The following WDPCP variants were observed in gnomAD, a reference collection of about 807,000 sequenced individuals.
WDPCP encodes the protein WD repeat containing planar cell polarity effector, also known as WD repeat-containing and planar cell polarity effector protein fritz homolog.
Under a neutral mutation model 93.1 loss-of-function variants are expected in WDPCP, and 71 were observed. That is an observed-to-expected ratio of 0.76 (90% confidence interval 0.63 to 0.93). The LOEUF is 0.93. Ranked by LOEUF, WDPCP falls within the 40% of genes least tolerant of loss-of-function variation. WDPCP has a pLI of 0.00. For missense variants in WDPCP, 844 were observed against 887.4 expected (o/e 0.95, Z 0.62); for synonymous variants, 315 against 315.0 (o/e 1.00, Z 0.00).
chr2:63,680,699 C>A (rs1314204766), intron 2 of WDPCP, among the ~76,000 whole-genome samples: 1 of 152,178 alleles, frequency 6.6e-6, no homozygotes, highest in East Asian at 1.9e-4. Context: ...CCCAGTGTGA[C>A]ACCAGCTGGG....
chr2:63,252,145 T>C (rs907618537), intron 14 of WDPCP, among the ~76,000 whole-genome samples: 1 of 152,206 alleles, frequency 6.6e-6, no homozygotes, highest in Non-Finnish European at 1.5e-5. Flanking sequence ...TGCAGATCAA[T>C]AAGCGTGATT....
chr2:63,712,676 C>T (rs76984593), intron 2 of WDPCP, among the ~76,000 whole-genome samples: 1,897 of 152,268 alleles, frequency 0.012, 16 homozygotes, highest in Non-Finnish European at 0.015. Context: ...TTTGTTTCTC[C>T]ACAGGCATAA....
chr2:63,374,831 ATC>A (rs1457341864), intron 12 of WDPCP, among the ~76,000 whole-genome samples: 6 of 103,966 alleles, frequency 5.8e-5, no homozygotes, highest in African/African-American at 1.0e-4. Flanking sequence ...ATATTTACCT[ATC>A]TCTCTGTTTA....
chr2:63,469,920 A>G (rs1382727621), intron 6 of WDPCP, among the ~76,000 whole-genome samples: 4 of 152,222 alleles, frequency 2.6e-5, no homozygotes, highest in African/African-American at 9.6e-5. Context: ...GCTTTTATCT[A>G]GATCATGAAT....
At chr2:63,660,565 T>C (rs1003556377) in intron 2 of WDPCP, among the ~76,000 whole-genome samples, 2 of 152,168 alleles carry the variant, frequency 1.3e-5, no homozygotes, top group African/African-American at 4.8e-5. Context: ...TGTTATTCTA[T>C]TACCTCAAAA....
intron 2 of WDPCP, among the ~76,000 whole-genome samples, chr2:63,725,802 T>C (rs906781266): frequency 2.6e-5 from 4 of 152,226 alleles, no homozygotes; most frequent in Admixed American, 2.6e-4. Flanking sequence ...TGATTGGTGA[T>C]GTTGAGCATT....
At chr2:63,405,569 G>A (rs1694507185) in intron 9 of WDPCP, among the ~76,000 whole-genome samples, 2 of 151,142 alleles carry the variant, frequency 1.3e-5, no homozygotes, top group South Asian at 2.1e-4. Context: ...GTGTGTGTGT[G>A]TGTGTGTGTG....
At chr2:63,293,383 G>A (rs1045005535) in intron 13 of WDPCP, among the ~76,000 whole-genome samples, 2 of 151,878 alleles carry the variant, frequency 1.3e-5, no homozygotes, top group Non-Finnish European at 2.9e-5. Flanking sequence ...ACCCTAAAAC[G>A]GTAATAAAAA....
At position 63,262,845 on chromosome 2, in the gene WDPCP, C is replaced by G. The variant is rs932504948; in HGVS notation, c.1813-3436G>C. Among the ~76,000 whole-genome samples the G allele has an allele frequency of 2.6e-5, 4 of 152,172 alleles. No homozygotes were observed. In the East Asian group the frequency reaches 7.7e-4, roughly 29 times the overall value. ...ACTCTGCCCAGGCTAGATTCAAACT[C>G]CTGGGCTCAAGTGAACCTTCTGCTT... On this transcript the variant is annotated intron_variant, in intron 13 of 17. Transcript: ENST00000272321.
chr2:63,810,281 A>C (rs1368656995), intron 2 of WDPCP, among the ~76,000 whole-genome samples: 3 of 152,220 alleles, frequency 2.0e-5, no homozygotes, highest in Non-Finnish European at 2.9e-5. Context: ...TATATACTCC[A>C]GCTATCACCT....
intron 1 of WDPCP, among the ~76,000 whole-genome samples, chr2:63,564,820 C>T (rs1028105610): frequency 1.3e-5 from 2 of 148,422 alleles, no homozygotes; most frequent in African/African-American, 5.0e-5. Flanking sequence ...CTCTGTCGCC[C>T]AGGTTGGAGT....
At chr2:63,491,995 A>G (rs1482931837) in intron 2 of WDPCP, among the ~76,000 whole-genome samples, 3 of 152,158 alleles carry the variant, frequency 2.0e-5, no homozygotes, top group Admixed American at 2.0e-4. Flanking sequence ...TTGGCATCTT[A>G]GAAGAGTTTT....
Position 63,437,445 on chromosome 2 carries a change from T to C in WDPCP, c.609A>G (p.Glu203=). The C allele has an allele frequency of 1.9e-6, 3 of 1,603,352 alleles. No homozygotes were observed. Among genetic ancestry groups the C allele is most frequent in the South Asian group, 1.1e-5 (1 of 89,046 alleles). The change falls in exon 8 of 18, where the codon GAA becomes GAG. Residue 203 remains glutamate, a synonymous_variant. Coordinates refer to ENST00000272321, the MANE Select transcript of WDPCP (RefSeq NM_015910.7). The stretch of plus-strand genomic sequence containing the variant: ...CCTTATAATCCAAGGCTGAGAGTTT[T>C]TCCAGTCTTTTGTTTACATCAGAAG... ...MESSDVNKRL[E]KLSALDYKIF...
intron 14 of WDPCP, among the ~76,000 whole-genome samples, chr2:63,253,158 A>T (rs1413173300): frequency 6.6e-6 from 1 of 152,174 alleles, no homozygotes; most frequent in Non-Finnish European, 1.5e-5. Flanking sequence ...AGAAGTTGGG[A>T]AAGGACTCCC....
At chr2:63,264,731 CAG>C (rs1169987049) in intron 13 of WDPCP, among the ~76,000 whole-genome samples, 4 of 152,256 alleles carry the variant, frequency 2.6e-5, no homozygotes, top group African/African-American at 7.2e-5. Flanking sequence ...ATGGACCTAA[CAG>C]ATATTTTACA....
chr2:63,796,075 A>T (rs1252990472), intron 2 of WDPCP, among the ~76,000 whole-genome samples: 1 of 152,182 alleles, frequency 6.6e-6, no homozygotes, highest in Non-Finnish European at 1.5e-5. Flanking sequence ...ATTTCTGGTA[A>T]AGGTTTCTCT....
chr2:63,652,979 T>C (rs1710125079), intron 2 of WDPCP, among the ~76,000 whole-genome samples: 1 of 152,034 alleles, frequency 6.6e-6, no homozygotes, highest in South Asian at 2.1e-4. Flanking sequence ...TTCTCAGATA[T>C]TGGATAATAG....
intron 17 of WDPCP, among the ~76,000 whole-genome samples, chr2:63,149,728 A>G (rs1480107633): frequency 6.6e-6 from 1 of 152,242 alleles, no homozygotes; most frequent in Non-Finnish European, 1.5e-5. Flanking sequence ...AAAAGTAAGT[A>G]ACAAGAAGAA....
intron 2 of WDPCP, among the ~76,000 whole-genome samples, chr2:63,708,342 C>G (rs1279141635): frequency 6.6e-6 from 1 of 152,240 alleles, no homozygotes; most frequent in East Asian, 1.9e-4. Context: ...CCCCCTCCCC[C>G]AGCCTCGCTG....
Sources: allele counts gnomAD v4.1 joint callset (sites outside exome capture counted in the v4.1 genomes callset), GRCh38; gene constraint gnomAD v4.1.1; transcripts MANE v1.5; gene names NCBI Gene and HGNC (gene_info 2026-07-23, HGNC 2026-07-21).